ZNF558: variants seen among roughly 807,000 people sequenced by gnomAD.
ZNF558 encodes zinc finger protein 558.
ZNF558 carries 23 observed loss-of-function variants against 37.6 expected under a neutral mutation model. That is an observed-to-expected ratio of 0.61 (90% CI 0.44 to 0.87). The LOEUF is 0.87. Ranked by LOEUF, ZNF558 falls within the 40% of genes least tolerant of loss-of-function variation. ZNF558 has a pLI of 0.00. For synonymous variants in ZNF558, 189 were observed against 174.4 expected (o/e 1.08, Z -0.66); for missense variants, 429 against 483.7 (o/e 0.89, Z 1.06).
Position 8,822,767 on chromosome 19 carries a change from C to T in ZNF558, c.-65-43G>A. ...GCTCCAAGTCTCCGTGGCCTCCTCC[C>T]TCTCGGGCTGCTGGGGATGGGCCCT... On this transcript the variant is annotated intron_variant, in intron 4 of 9. Coordinates refer to ENST00000601372, the MANE Select transcript of ZNF558 (RefSeq NM_144693.3). This position sits in a 1 kb window ranked among gnomAD's most constrained non-coding sequence, Gnocchi z 4.4. 6.4e-7 allele frequency: 1 copy of T among 1,570,804 alleles called. No homozygotes were observed. The highest frequency in any genetic ancestry group is 8.7e-7 in the Non-Finnish European group (1 of 1,148,330).
chr19:8,825,547 A>C (rs912206220), intron 2 of ZNF558, among the ~76,000 whole-genome samples: 8 of 152,196 alleles, frequency 5.3e-5, no homozygotes, highest in African/African-American at 1.9e-4. Context: ...AAGCAATGTC[A>C]TGTGTCCTTT....
Position 8,822,131 on chromosome 19 carries a change from C to G in ZNF558, c.32-40G>C. On this transcript the variant is annotated intron_variant, in intron 5 of 9. Coordinates refer to ENST00000601372, the MANE Select transcript of ZNF558 (RefSeq NM_144693.3). This position sits in a 1 kb window ranked among gnomAD's most constrained non-coding sequence, Gnocchi z 4.4. ...ATGAGTCCCATGGATTCAGGCTTGT[C>G]TGACACCCACAGATCTGCCCCTGAT... 6.2e-7 allele frequency: 1 copy of G among 1,612,082 alleles called. No homozygotes were observed. Among genetic ancestry groups the G allele is most frequent in the South Asian group, 1.1e-5 (1 of 90,872 alleles).
chr19:8,833,816 C>T (rs1160767293), upstream of ZNF558, among the ~76,000 whole-genome samples: 1 of 152,184 alleles, frequency 6.6e-6, no homozygotes, highest in Middle Eastern at 3.4e-3. Context: ...GGTGAAACCC[C>T]GTCTCTACTA....
chr19:8,808,786 A>C lies in ZNF558; in HGVS notation c.*2495T>G. ...GGGGTTTCTTTTTTTAAAAATATTT[A>C]TTTGTTTATTTTGAGATGGAGTCTC... is the stretch of plus-strand genomic sequence containing the variant. On this transcript the variant is annotated 3_prime_UTR_variant, in exon 10 of 10. Coordinates refer to ENST00000601372, the MANE Select transcript of ZNF558 (RefSeq NM_144693.3). The C allele has an allele frequency of 6.6e-6, 1 of 152,062 alleles. No individual in the cohort carries two copies. Among genetic ancestry groups the C allele is most frequent in the East Asian group, 1.9e-4 (1 of 5,170 alleles). The allele number at this position is 152,062 out of a possible 1,614,324, so 9.4% of individuals were successfully genotyped here. A position where few individuals can be genotyped will look rare whatever the true frequency, so the allele number is the denominator to read the frequency against.
chr19:8,817,752 T>G (rs2043975137), intron 7 of ZNF558, among the ~76,000 whole-genome samples: 1 of 152,200 alleles, frequency 6.6e-6, no homozygotes. Context: ...AGAAAGACAT[T>G]ATAGTTGTAT....
intron 7 of ZNF558, among the ~76,000 whole-genome samples, chr19:8,814,730 G>A (rs577723136): frequency 6.6e-6 from 1 of 152,178 alleles, no homozygotes; most frequent in South Asian, 2.1e-4. Flanking sequence ...CCCACGTAAA[G>A]AGACTAGAAG....
At position 8,811,434 on chromosome 19, in the gene ZNF558, G is replaced by C; in HGVS notation, c.1056C>G (p.Asp352Glu). ...HTGEKPYECS[D>E]CGKAFNNLSA... ...AGAGATTATTAAAGGCTTTTCCACA[G>C]TCACTGCACTCGTAGGGTTTCTCTC... Residue 352 changes from aspartate to glutamate, a missense_variant, in exon 10 of 10, where the codon GAC becomes GAG. Coordinates refer to ENST00000601372, the MANE Select transcript of ZNF558 (RefSeq NM_144693.3). 1 of 1,614,064 alleles carries C rather than the reference G, an allele frequency of 6.2e-7. No individual in the cohort carries two copies. The highest frequency in any genetic ancestry group is 8.5e-7 in the Non-Finnish European group (1 of 1,179,988).
At chr19:8,826,234 T>C (rs2044228497) in intron 2 of ZNF558, among the ~76,000 whole-genome samples, 5 of 152,128 alleles carry the variant, frequency 3.3e-5, no homozygotes, top group Admixed American at 3.3e-4. Flanking sequence ...AATTTTTCCA[T>C]GGAGCACGGG....
chr19:8,813,547 C>T (rs1007028517), intron 7 of ZNF558, among the ~76,000 whole-genome samples: 10 of 152,068 alleles, frequency 6.6e-5, no homozygotes, highest in South Asian at 4.2e-4. Context: ...TTAGTAGAGA[C>T]GGGGTTTCAC....
chr19:8,822,773 GGCTGCT>G lies in ZNF558; in HGVS notation c.-65-55_-65-50del. ...AGTCTCCGTGGCCTCCTCCCTCTCGGGCTGCTGGGGATGGGCCCTCCTCAACCCATC... is the reference window on the plus strand; with the variant it reads ...AGTCTCCGTGGCCTCCTCCCTCTCGGGGGGATGGGCCCTCCTCAACCCATC... On this transcript the variant is annotated intron_variant, in intron 4 of 9. Coordinates refer to ENST00000601372, the MANE Select transcript of ZNF558 (RefSeq NM_144693.3). The surrounding 1 kb of genome is among the most constrained non-coding windows in gnomAD (Gnocchi z 4.4). The G allele has an allele frequency of 6.5e-7, 1 of 1,550,164 alleles. No homozygotes were observed. Among genetic ancestry groups the G allele is most frequent in the Non-Finnish European group, 8.8e-7 (1 of 1,131,854 alleles).
chr19:8,825,696 A>T (rs1000796399), intron 2 of ZNF558, among the ~76,000 whole-genome samples: 3 of 152,158 alleles, frequency 2.0e-5, no homozygotes, highest in Non-Finnish European at 4.4e-5. Flanking sequence ...GTGAATGGGC[A>T]GGGATGGGGG....
rs1270382374 is a variant in ZNF558, at chr19:8,809,030, A to T, written c.*2251T>A. The T allele has an allele frequency of 6.6e-6, 1 of 152,224 alleles. No individual in the cohort carries two copies. 9.4% of individuals were successfully genotyped at this position (152,224 alleles called of 1,614,324 possible). A position where few individuals can be genotyped will look rare whatever the true frequency, so the allele number is the denominator to read the frequency against. ...GTTGACCTCATGATCCACCCACCTC[A>T]GCCTCTCAAAAGTGCTGGGATTAAA... On this transcript the variant is annotated 3_prime_UTR_variant, in exon 10 of 10. Transcript: ENST00000601372.
rs2044116517 is a variant in ZNF558, at chr19:8,822,386, C to G, written c.31+243G>C. ...CGTCACTGTGTTTTTATCAGATTCA[C>G]AGAAAGAACTAAAGGGAGAATTCAA... On this transcript the variant is annotated intron_variant, in intron 5 of 9. Coordinates refer to ENST00000601372, the MANE Select transcript of ZNF558 (RefSeq NM_144693.3). This position sits in a 1 kb window ranked among gnomAD's most constrained non-coding sequence, Gnocchi z 4.4. 6.6e-6 allele frequency among the ~76,000 whole-genome samples: 1 copy of G among 152,162 alleles called. No homozygotes were observed. The highest frequency in any genetic ancestry group is 2.4e-5 in the African/African-American group (1 of 41,434).
intron 2 of ZNF558, among the ~76,000 whole-genome samples, chr19:8,827,595 T>G (rs1568476644): frequency 6.9e-6 from 1 of 145,818 alleles, no homozygotes; most frequent in African/African-American, 2.6e-5. Flanking sequence ...TTTTTTTTTT[T>G]GAGGAGTCTC....
chr19:8,806,720 C>T lies in ZNF558; in HGVS notation c.*4561G>A, dbSNP rs2145154451. 1 of 151,648 alleles carries T rather than the reference C, an allele frequency of 6.6e-6. No individual in the cohort carries two copies. Among genetic ancestry groups the T allele is most frequent in the South Asian group, 2.1e-4 (1 of 4,802 alleles). 9.4% of individuals were successfully genotyped at this position (151,648 alleles called of 1,614,324 possible). A position where few individuals can be genotyped will look rare whatever the true frequency, so the allele number is the denominator to read the frequency against. Reference sequence around the variant, plus strand: ...CTCAAAAAAAAAAAAAAAAATATTCCCTCCCATTGGAAAACATTGTTGCCT... The same window carrying T: ...CTCAAAAAAAAAAAAAAAAATATTCTCTCCCATTGGAAAACATTGTTGCCT... On this transcript the variant is annotated 3_prime_UTR_variant, in exon 10 of 10. Coordinates refer to ENST00000601372, the MANE Select transcript of ZNF558 (RefSeq NM_144693.3).
intron 7 of ZNF558, among the ~76,000 whole-genome samples, chr19:8,817,639 T>A (rs1302810138): frequency 1.3e-5 from 2 of 152,168 alleles, no homozygotes; most frequent in African/African-American, 2.4e-5. Flanking sequence ...CATGTGTACA[T>A]ACTGTCTATA....
At chr19:8,831,294 T>C (rs1362045759) in intron 2 of ZNF558, 24 bp downstream of exon 2, 1 of 152,144 alleles carries the variant, frequency 6.6e-6, no homozygotes, top group African/African-American at 2.4e-5. Context: ...TGAAACCTTG[T>C]TGTAGGTTCC....
At chr19:8,829,405 C>T (rs74821447) in intron 2 of ZNF558, among the ~76,000 whole-genome samples, 2,040 of 152,286 alleles carry the variant, frequency 0.013, 22 homozygotes, top group Non-Finnish European at 0.023. Flanking sequence ...GGTTTCACTG[C>T]ACCACCAGGT....
Position 8,811,536 on chromosome 19 carries a change from T to C in ZNF558, c.954A>G (p.Lys318=). The change falls in exon 10 of 10, where the codon AAA becomes AAG. Residue 318 remains lysine (K), a synonymous_variant. Coordinates refer to ENST00000601372, the MANE Select transcript of ZNF558 (RefSeq NM_144693.3). ...TQHVRTHTGE[K]PYECNECGKS... ...TCCCACACTCGTTACATTCATAGGG[T>C]TTTTCTCCAGTATGAGTTCTTACGT... is the stretch of plus-strand genomic sequence containing the variant. The C allele has an allele frequency of 6.2e-7, 1 of 1,614,092 alleles. No homozygotes were observed. The highest frequency in any genetic ancestry group is 8.5e-7 in the Non-Finnish European group (1 of 1,179,994).
Sources: allele counts gnomAD v4.1 joint callset (sites outside exome capture counted in the v4.1 genomes callset), GRCh38; gene constraint gnomAD v4.1.1; non-coding constraint Gnocchi (gnomAD v3.1); transcripts MANE v1.5; gene names NCBI Gene and HGNC (gene_info 2026-07-23, HGNC 2026-07-21).